NSD3: variants seen among roughly 807,000 people sequenced by gnomAD.
The protein encoded by NSD3 is histone-lysine N-methyltransferase NSD3.
A neutral mutation model predicts 160.8 loss-of-function variants in NSD3; 24 were observed. That is an observed-to-expected ratio of 0.15 (90% CI 0.11 to 0.21). The LOEUF (loss-of-function observed/expected upper bound fraction) is 0.21. NSD3 is among the 10% of genes least tolerant of loss of function. The pLI, the probability that NSD3 is intolerant of heterozygous loss-of-function variation, is 1.00. For missense variants in NSD3, 1,157 were observed against 1,735.9 expected, an observed-to-expected ratio of 0.67 and a Z score of 5.93; for synonymous variants, 520 against 600.0, an observed-to-expected ratio of 0.87 and a Z score of 1.95.
At chr8:38,330,334 C>T (rs975147206) in intron 5 of NSD3, among the ~76,000 whole-genome samples, 2 of 152,112 alleles carry the variant, frequency 1.3e-5, no homozygotes, top group Non-Finnish European at 2.9e-5. Context: ...AACAAAGCTA[C>T]TGGCAGAGTT....
intron 2 of NSD3, 27 bp downstream of exon 2, chr8:38,347,470 A>G: frequency 6.5e-7 from 1 of 1,539,254 alleles, no homozygotes; most frequent in Non-Finnish European, 8.7e-7. Flanking sequence ...ATATAACAAA[A>G]TTTTTCAAAA....
chr8:38,358,029 A>G (rs1810866311), intron 1 of NSD3, among the ~76,000 whole-genome samples: 1 of 152,148 alleles, frequency 6.6e-6, no homozygotes, highest in South Asian at 2.1e-4. Context: ...AAACTTCCAG[A>G]GGGAGTGTTA....
At chr8:38,357,296 T>C (rs1049085495) in intron 1 of NSD3, among the ~76,000 whole-genome samples, 2 of 152,106 alleles carry the variant, frequency 1.3e-5, no homozygotes, top group Non-Finnish European at 2.9e-5. Flanking sequence ...ACTCTATTGA[T>C]TAAAATCCTT....
Position 38,338,592 on chromosome 8 carries a change from C to A in NSD3, c.691G>T (p.Val231Phe). The change falls in exon 3 of 24, where the codon GTT (valine) becomes TTT (phenylalanine). Residue 231 changes from valine to phenylalanine, a missense_variant. Around this residue, in one of 10 missense-constraint regions of NSD3, gnomAD observed 99 missense variants for 151.8 expected, o/e 0.65. Transcript: ENST00000317025. ...CTTGGTTTTTCTGATACAGTGTCAACCCTCTCATTTGGTCTCTAGGTGAAA... is the reference window on the plus strand; with the variant it reads ...CTTGGTTTTTCTGATACAGTGTCAAACCTCTCATTTGGTCTCTAGGTGAAA... ...PEEQNRPNERVDTVSEKPREE... is the reference protein window; with the variant it reads ...PEEQNRPNERFDTVSEKPREE... 1.9e-6 allele frequency: 3 copies of A among 1,613,772 alleles called. No homozygotes were observed. The highest frequency in any genetic ancestry group is 1.1e-5 in the South Asian group (1 of 91,062).
At chr8:38,300,627 A>C (rs911786222) in intron 14 of NSD3, among the ~76,000 whole-genome samples, 3 of 152,210 alleles carry the variant, frequency 2.0e-5, no homozygotes, top group Non-Finnish European at 2.9e-5. Flanking sequence ...ACTTGGAGGA[A>C]AACACTAAAG....
chr8:38,372,200 G>A (rs923256428), intron 1 of NSD3, among the ~76,000 whole-genome samples: 4 of 152,178 alleles, frequency 2.6e-5, no homozygotes, highest in Admixed American at 6.5e-5. Flanking sequence ...AGTCATTTTA[G>A]AGTTTGCATG....
rs1293184261 is a variant in NSD3 at position 38,290,445 on chromosome 8, TTGAGTCACTGTAA to T, written c.3118+17_3118+29del. 1 of 1,611,424 alleles carries T rather than the reference TTGAGTCACTGTAA, an allele frequency of 6.2e-7. No homozygotes were observed. Among genetic ancestry groups the T allele is most frequent in the East Asian group, 2.2e-5 (1 of 44,878 alleles). ...AGAAACTGACACCGGAGTTGTAGTT[TTGAGTCACTGTAA>T]ACATCATCCAGCTTACCCTTTTTGA... On this transcript the variant is annotated intron_variant, in intron 17 of 23. Transcript: ENST00000317025.
chr8:38,285,296 A>G (rs920340444), intron 19 of NSD3, among the ~76,000 whole-genome samples: 2 of 152,274 alleles, frequency 1.3e-5, no homozygotes, highest in African/African-American at 4.8e-5. Context: ...AAACAACTTC[A>G]TAACAAGAAG....
At chr8:38,330,002 C>T (rs1290305115) in intron 5 of NSD3, 109 bp from the exon 6 acceptor site, 1 of 1,314,946 alleles carries the variant, frequency 7.6e-7, no homozygotes, top group Admixed American at 2.4e-5. Context: ...ACATAAATAT[C>T]TTCAGGTTCT....
chr8:38,377,427 C>A (rs1811421558), intron 1 of NSD3, among the ~76,000 whole-genome samples: 1 of 152,090 alleles, frequency 6.6e-6, no homozygotes, highest in South Asian at 2.1e-4. Context: ...CAGCTTACTG[C>A]GGCTTTCCCC....
intron 12 of NSD3, among the ~76,000 whole-genome samples, chr8:38,313,339 G>T (rs1282207601): frequency 1.3e-5 from 2 of 152,070 alleles, no homozygotes; most frequent in East Asian, 3.8e-4. Flanking sequence ...CCAGCTGCCT[G>T]GGTTTAAATC....
At chr8:38,276,560 C>A in intron 22 of NSD3, 60 bp from the exon 23 acceptor site, 1 of 1,570,642 alleles carries the variant, frequency 6.4e-7, no homozygotes, top group South Asian at 1.1e-5. Flanking sequence ...AAGCTGGACA[C>A]AGGAAAACCC....
In NSD3 at chr8:38,288,056, A is replaced by G. The variant is rs561560149; in HGVS notation, c.3501+431T>C. The stretch of plus-strand genomic sequence containing the variant: ...TGAGACCAGCCTGGGCAATGTAGTG[A>G]GACCCTATCCAGCTACTCGGGAGGC... On this transcript the variant is annotated intron_variant, in intron 19 of 23. Coordinates refer to ENST00000317025, the MANE Select transcript of NSD3 (RefSeq NM_023034.2). The surrounding 1 kb of genome is among the most constrained non-coding windows in gnomAD (Gnocchi z 4.5). Among the ~76,000 whole-genome samples, 9 of 152,190 alleles carry G rather than the reference A, an allele frequency of 5.9e-5. No homozygotes were observed. The East Asian group carries it at 1.7e-3, about 29-fold the overall frequency.
intron 1 of NSD3, among the ~76,000 whole-genome samples, chr8:38,354,272 CT>C (rs1221419027): frequency 6.6e-6 from 1 of 152,200 alleles, no homozygotes; most frequent in Admixed American, 6.5e-5. Flanking sequence ...GGCCTGGGCT[CT>C]TCAAAGAGGC....
intron 1 of NSD3, among the ~76,000 whole-genome samples, chr8:38,359,503 G>A (rs1810905850): frequency 6.6e-6 from 1 of 152,190 alleles, no homozygotes; most frequent in African/African-American, 2.4e-5. Context: ...AGATGTGGGT[G>A]TGGACTTCTG....
At position 38,316,207 on chromosome 8, in the gene NSD3, G is replaced by C. The variant is rs1809659326; in HGVS notation, c.1856-165C>G. ...AATGAGTCAAAACTTCAGAACTTCTGACCTTCCTGGTAGTGACTGATTTAA... is the reference window on the plus strand; with the variant it reads ...AATGAGTCAAAACTTCAGAACTTCTCACCTTCCTGGTAGTGACTGATTTAA... On this transcript the variant is annotated intron_variant, in intron 9 of 23. Transcript: ENST00000317025. The surrounding 1 kb of genome is among the most constrained non-coding windows in gnomAD (Gnocchi z 4.5). Among the ~76,000 whole-genome samples, 1 of 152,268 alleles carries C rather than the reference G, an allele frequency of 6.6e-6. No homozygotes were observed. The highest frequency in any genetic ancestry group is 1.5e-5 in the Non-Finnish European group (1 of 68,018).
intron 1 of NSD3, among the ~76,000 whole-genome samples, chr8:38,368,435 A>G (rs1168822128): frequency 6.6e-6 from 1 of 152,216 alleles, no homozygotes; most frequent in Non-Finnish European, 1.5e-5. Flanking sequence ...TTAGGAAGTA[A>G]CCTGCGTGAA....
rs1808551643 is a variant in NSD3 at position 38,274,427 on chromosome 8, A to G, written c.*1214T>C. ...TTTGTGTGGCTCTTATGCACCCTGT[A>G]AAAGTAGAAGTTCTTCCCCTTACTC... On this transcript the variant is annotated 3_prime_UTR_variant, in exon 24 of 24. Transcript: ENST00000317025. 1 of 152,210 alleles carries G rather than the reference A, an allele frequency of 6.6e-6. No individual in the cohort carries two copies. The highest frequency in any genetic ancestry group is 2.4e-5 in the African/African-American group (1 of 41,452). The allele number at this position is 152,210 out of a possible 1,614,324, so 9.4% of individuals were successfully genotyped here. A position where few individuals can be genotyped will look rare whatever the true frequency, so the allele number is the denominator to read the frequency against.
Position 38,275,668 on chromosome 8 carries a change from T to C in NSD3, c.4287A>G (p.Gln1429=), listed in dbSNP as rs763065687. 2 of 1,614,086 alleles carry C rather than the reference T, an allele frequency of 1.2e-6. No homozygotes were observed. The highest frequency in any genetic ancestry group is 3.3e-5 in the Admixed American group (2 of 60,010). Reference sequence around the variant, plus strand: ...ATTCTTTTACTTCTTCTCCATGATCTTGTGATTCCCATTTACATTTTATCT... The same window carrying C: ...ATTCTTTTACTTCTTCTCCATGATCCTGTGATTCCCATTTACATTTTATCT... The part of the protein sequence containing the change: ...WSKIKCKWES[Q]DHGEEVKE The change falls in exon 24 of 24, where the codon CAA becomes CAG. Residue 1429 remains glutamine (Q), a synonymous_variant. Transcript: ENST00000317025.
Sources: allele counts gnomAD v4.1 joint callset (sites outside exome capture counted in the v4.1 genomes callset), GRCh38; gene constraint gnomAD v4.1.1; regional missense constraint gnomAD v4.1.1; non-coding constraint Gnocchi (gnomAD v3.1); transcripts MANE v1.5; gene names NCBI Gene and HGNC (gene_info 2026-07-23, HGNC 2026-07-21).